The following DIP2C variants were observed in gnomAD, a reference collection of about 807,000 sequenced individuals.
DIP2C encodes disco-interacting protein 2 homolog C.
Under a neutral mutation model 192.4 loss-of-function variants are expected in DIP2C, and 33 were observed. The ratio of observed to expected loss-of-function variants is 0.17; its 90% CI spans 0.13 to 0.23. DIP2C has a LOEUF of 0.23. Ranked by LOEUF, DIP2C falls within the 10% of genes least tolerant of loss-of-function variation. The pLI is 1.00. For synonymous variants in DIP2C, 979 were observed against 864.1 expected (o/e 1.13, Z -2.33); for missense variants, 1,537 against 2,110.1 (o/e 0.73, Z 5.32).
chr10:611,773 G>A (rs959978422), intron 1 of DIP2C, among the ~76,000 whole-genome samples: 9 of 152,146 alleles, frequency 5.9e-5, no homozygotes, highest in African/African-American at 2.2e-4. Context: ...CCAGATCTGA[G>A]CCTGGCCCTC....
At chr10:299,679 G>A (rs1393735584) in intron 32 of DIP2C, among the ~76,000 whole-genome samples, 2 of 149,548 alleles carry the variant, frequency 1.3e-5, no homozygotes, top group East Asian at 1.9e-4. Flanking sequence ...AGGACACAAT[G>A]AACAGAATCA....
chr10:314,154 G>T (rs184340756), intron 31 of DIP2C, among the ~76,000 whole-genome samples: 45 of 152,312 alleles, frequency 3.0e-4, no homozygotes, highest in African/African-American at 1.1e-3. Flanking sequence ...ATTTCCAGAA[G>T]AATTTTTATA....
At chr10:388,570 G>A (rs73587857) in intron 13 of DIP2C, among the ~76,000 whole-genome samples, 3,214 of 149,040 alleles carry the variant, frequency 0.022, 116 homozygotes, top group African/African-American at 0.077. Context: ...AGTAAAGAGC[G>A]AACGTATCAT....
intron 17 of DIP2C, among the ~76,000 whole-genome samples, chr10:380,714 A>C (rs1962292812): frequency 6.6e-6 from 1 of 152,240 alleles, no homozygotes; most frequent in Non-Finnish European, 1.5e-5. Flanking sequence ...ACCTTTAAGA[A>C]GGCATTCATT....
At chr10:629,477 C>G (rs1588636392) in intron 1 of DIP2C, among the ~76,000 whole-genome samples, 1 of 152,356 alleles carries the variant, frequency 6.6e-6, no homozygotes, top group East Asian at 1.9e-4. Flanking sequence ...TCAGGGCACA[C>G]TGGGACCAGC....
intron 1 of DIP2C, chr10:628,501 CAG>C (rs1647604062): frequency 6.6e-6 from 1 of 152,248 alleles, no homozygotes; most frequent in Non-Finnish European, 1.5e-5. Context: ...GAGGGTGGGA[CAG>C]AGACACAAAC....
chr10:486,300 C>A (rs959258202), intron 2 of DIP2C, among the ~76,000 whole-genome samples, 159 bp downstream of exon 2: 2 of 152,180 alleles, frequency 1.3e-5, no homozygotes, highest in African/African-American at 4.8e-5. Context: ...TCACACAGCA[C>A]GTGTGATCAC....
At chr10:477,698 A>G (rs145349188) in intron 2 of DIP2C, among the ~76,000 whole-genome samples, 61 of 145,224 alleles carry the variant, frequency 4.2e-4, no homozygotes, top group East Asian at 1.5e-3. Flanking sequence ...AGCGGAGAAA[A>G]GGAAAGAATA....
At chr10:539,537 C>T (rs1451184410) in intron 1 of DIP2C, among the ~76,000 whole-genome samples, 1 of 152,150 alleles carries the variant, frequency 6.6e-6, no homozygotes. Flanking sequence ...GTCCTGCAAC[C>T]CACCCCCATG....
At chr10:400,788 T>C (rs149501050) in intron 9 of DIP2C, among the ~76,000 whole-genome samples, 306 of 151,404 alleles carry the variant, frequency 2.0e-3, no homozygotes, top group East Asian at 7.8e-3. Flanking sequence ...ACACGTGTGG[T>C]AGCATTAGCA....
chr10:598,591 A>ACC (rs964392584), intron 1 of DIP2C, among the ~76,000 whole-genome samples: 5 of 104,626 alleles, frequency 4.8e-5, no homozygotes, highest in Non-Finnish European at 7.9e-5. Context: ...ACCCCTCCCC[A>ACC]CCCCCTCCTA....
chr10:395,583 T>C (rs1381925874), intron 10 of DIP2C, among the ~76,000 whole-genome samples: 2 of 152,182 alleles, frequency 1.3e-5, no homozygotes, highest in Non-Finnish European at 2.9e-5. Context: ...CAGTAAAGGT[T>C]TCTAAATGCC....
intron 34 of DIP2C, 137 bp from the exon 35 acceptor site, chr10:283,583 G>A: frequency 9.0e-7 from 1 of 1,111,114 alleles, no homozygotes; most frequent in Non-Finnish European, 1.3e-6. Flanking sequence ...CCAAGATGAT[G>A]TTAATCTCAT....
chr10:656,979 T>C (rs1433255355), intron 1 of DIP2C, among the ~76,000 whole-genome samples: 7 of 152,204 alleles, frequency 4.6e-5, no homozygotes, highest in Non-Finnish European at 7.3e-5. Context: ...TAATAACTAC[T>C]GCTTTAAAAA....
rs150484262 is a variant in DIP2C, at chr10:348,668, C to T, written c.3204G>A (p.Thr1068=). ...RPPHPQNIAT[T]LPTVKMIVEV... is the part of the protein sequence containing the mutation. Reference sequence around the variant, plus strand: ...CCACAATCATCTTGACGGTAGGCAACGTCGTCGCGATGTTCTGTGGGTGCG... The same window carrying T: ...CCACAATCATCTTGACGGTAGGCAATGTCGTCGCGATGTTCTGTGGGTGCG... Residue 1068 remains threonine, a synonymous_variant, in exon 26 of 37, where the codon ACG becomes ACA. Transcript: ENST00000280886. 18 of 1,613,596 alleles carry T rather than the reference C, an allele frequency of 1.1e-5. No individual in the cohort carries two copies. The highest frequency in any genetic ancestry group is 1.7e-4 in the Middle Eastern group (1 of 6,060).
At position 325,333 on chromosome 10, in the gene DIP2C, G is replaced by A. The variant is rs567917737; in HGVS notation, c.3924+1673C>T. ...TGGAAATAAATGAAAAAGTAAAGAG[G>A]AAAATAAATGTATGTACTCTACAAG... On this transcript the variant is annotated intron_variant, in intron 31 of 36. Transcript: ENST00000280886. 3.0e-3 allele frequency among the ~76,000 whole-genome samples: 461 copies of A among 152,124 alleles called. 1 individual carries two copies. Among genetic ancestry groups the A allele is most frequent in the Non-Finnish European group, 5.2e-3 (352 of 68,006 alleles).
intron 17 of DIP2C, among the ~76,000 whole-genome samples, chr10:376,411 C>A (rs1961597568): frequency 6.6e-6 from 1 of 151,940 alleles, no homozygotes. Flanking sequence ...GTGCTGGCGT[C>A]GAAGCACCTG....
chr10:381,361 G>T (rs1962357456), intron 17 of DIP2C, among the ~76,000 whole-genome samples: 1 of 152,206 alleles, frequency 6.6e-6, no homozygotes, highest in Non-Finnish European at 1.5e-5. Context: ...TAGTTTTCAG[G>T]ACACTGTCAT....
intron 1 of DIP2C, among the ~76,000 whole-genome samples, chr10:639,509 G>C (rs1387884152): frequency 1.3e-5 from 2 of 152,212 alleles, no homozygotes; most frequent in African/African-American, 4.8e-5. Flanking sequence ...GGTGCTGCCC[G>C]GCTCTCAGTA....
Sources: allele counts gnomAD v4.1 joint callset (sites outside exome capture counted in the v4.1 genomes callset), GRCh38; gene constraint gnomAD v4.1.1; transcripts MANE v1.5; gene names NCBI Gene and HGNC (gene_info 2026-07-23, HGNC 2026-07-21).